Variants in NRDE2 observed in about 807,000 individuals in gnomAD.
NRDE2 encodes the protein NRDE-2, necessary for RNA interference, domain containing.
Under a neutral mutation model 124.2 loss-of-function variants are expected in NRDE2, and 76 were observed. That is an observed-to-expected ratio of 0.61 (90% CI 0.51 to 0.74). The LOEUF is 0.74. Ranked by LOEUF, NRDE2 falls within the 30% of genes least tolerant of loss-of-function variation. The probability of loss-of-function intolerance (pLI) is 0.00; values close to 1 mark genes in which losing one functional copy is unlikely to be tolerated. For missense variants in NRDE2, 1,314 were observed against 1,417.3 expected, an observed-to-expected ratio of 0.93 and a Z score of 1.17; for synonymous variants, 489 against 528.1, an observed-to-expected ratio of 0.93 and a Z score of 1.01.
At chr14:90,301,945 G>A (rs892245541) in intron 6 of NRDE2, 2 of 398,874 alleles carry the variant, frequency 5.0e-6, no homozygotes, top group Non-Finnish European at 1.0e-5. Context: ...TGTGATAAAT[G>A]CTTATATTTT....
rs1891609869 is a variant in NRDE2 at position 90,269,632 on chromosome 14, A to T, written c.*8704T>A. 3 of 1,470,066 alleles carry T rather than the reference A, an allele frequency of 2.0e-6. No individual in the cohort carries two copies. Among genetic ancestry groups the T allele is most frequent in the Non-Finnish European group, 2.8e-6 (3 of 1,083,952 alleles). The allele number at this position is 1,470,066 out of a possible 1,614,324, so 91.1% of individuals were successfully genotyped here. On this transcript the variant is annotated 3_prime_UTR_variant, in exon 14 of 14. Coordinates refer to ENST00000354366, the MANE Select transcript of NRDE2 (RefSeq NM_017970.4). ...TGTGCTTTGGGAGGCCTATAAAATG[A>T]TACATAAAAAAGCAAATACTGCAGT...
chr14:90,325,560 A>G (rs1456039044), intron 1 of NRDE2, among the ~76,000 whole-genome samples: 7 of 151,970 alleles, frequency 4.6e-5, no homozygotes, highest in Non-Finnish European at 8.8e-5. Context: ...GAGTCTCACT[A>G]TGTCAGCCAG....
Position 90,272,656 on chromosome 14 carries a change from T to G in NRDE2, c.*5680A>C. 2.9e-6 allele frequency: 1 copy of G among 340,506 alleles called. No homozygotes were observed. The highest frequency in any genetic ancestry group is 3.7e-5 in the South Asian group (1 of 26,986). 21.1% of individuals were successfully genotyped at this position (340,506 alleles called of 1,614,324 possible). The stretch of plus-strand genomic sequence containing the variant: ...TGTTTCTGCAGTCTCCACACACACC[T>G]ACCGCTCAACAGCAGCCTGTGGGTG... On this transcript the variant is annotated 3_prime_UTR_variant, in exon 14 of 14. Transcript: ENST00000354366. The surrounding 1 kb of genome is among the most constrained non-coding windows in gnomAD (Gnocchi z 4.5).
At chr14:90,299,775 G>T (rs1884325870) in intron 7 of NRDE2, among the ~76,000 whole-genome samples, 1 of 152,138 alleles carries the variant, frequency 6.6e-6, no homozygotes, top group Non-Finnish European at 1.5e-5. Context: ...TCTGGCTCTT[G>T]TAAGAGTGAA....
rs758846042 is a variant in NRDE2, at chr14:90,290,604, A to C, written c.1846T>G (p.Leu616Val). 6.3e-7 allele frequency: 1 copy of C among 1,594,290 alleles called. No individual in the cohort carries two copies. ...EDCEDPERQV[L>V]FDDIGQSLIR... Reference sequence around the variant, plus strand: ...AAAGATTGCCCAATATCATCAAACAACACCTGCAACAAAGACAAAATAAAG... The same window carrying C: ...AAAGATTGCCCAATATCATCAAACACCACCTGCAACAAAGACAAAATAAAG... Residue 616 changes from leucine (L) to valine (V), a missense_variant, in exon 10 of 14, where the codon TTG (leucine) becomes GTG (valine). Leu to Val is a conservative substitution (Grantham distance 32). Coordinates refer to ENST00000354366, the MANE Select transcript of NRDE2 (RefSeq NM_017970.4).
chr14:90,281,225 G>C (rs1287390275), intron 12 of NRDE2: 1 of 152,792 alleles, frequency 6.5e-6, no homozygotes, highest in Non-Finnish European at 1.5e-5. Flanking sequence ...TCAGTAGTTC[G>C]AGACCAGCCT....
At chr14:90,328,617 C>G (rs923879305) in intron 1 of NRDE2, among the ~76,000 whole-genome samples, 1 of 152,196 alleles carries the variant, frequency 6.6e-6, no homozygotes, top group African/African-American at 2.4e-5. Context: ...TTAGACAGGG[C>G]ATCCTCCTGA....
intron 3 of NRDE2, among the ~76,000 whole-genome samples, chr14:90,316,135 C>T (rs1355959126): frequency 2.0e-5 from 3 of 151,988 alleles, no homozygotes; most frequent in East Asian, 1.9e-4. Flanking sequence ...TTAAGTGCTA[C>T]GTTAATCTTA....
At chr14:90,282,337 A>C (rs991866781) in intron 12 of NRDE2, among the ~76,000 whole-genome samples, 3 of 149,838 alleles carry the variant, frequency 2.0e-5, no homozygotes, top group Non-Finnish European at 2.9e-5. Flanking sequence ...ACAGCCAGGC[A>C]TGGTCGTGCA....
Position 90,302,931 on chromosome 14 carries a change from C to G in NRDE2, c.1200G>C (p.Leu400=), listed in dbSNP as rs1338963448. 6.2e-7 allele frequency: 1 copy of G among 1,614,026 alleles called. No individual in the cohort carries two copies. Reference sequence around the variant, plus strand: ...ATATCAGTTTCTGCCACTCTTTGACCAGAGTGGAGGGCTCCCAGAACTCTG... The same window carrying G: ...ATATCAGTTTCTGCCACTCTTTGACGAGAGTGGAGGGCTCCCAGAACTCTG... ...LCTEFWEPST[L]VKEWQKLIFL... Residue 400 remains leucine, a synonymous_variant, in exon 6 of 14, where the codon CTG becomes CTC. Transcript: ENST00000354366.
At chr14:90,330,760 A>G (rs1156646190) in intron 1 of NRDE2, among the ~76,000 whole-genome samples, 1 of 150,862 alleles carries the variant, frequency 6.6e-6, no homozygotes, top group Admixed American at 6.6e-5. Context: ...GTGAGTTATG[A>G]CAGTGCCACT....
intron 3 of NRDE2, among the ~76,000 whole-genome samples, chr14:90,313,078 C>T (rs1014868679): frequency 6.6e-6 from 1 of 151,160 alleles, no homozygotes; most frequent in Non-Finnish European, 1.5e-5. Context: ...TGGTTCTGAA[C>T]TGCTCAGCCT....
chr14:90,302,650 CTTCATT>C (rs1485773497), intron 6 of NRDE2, 64 bp downstream of exon 6: 5 of 1,403,098 alleles, frequency 3.6e-6, no homozygotes, highest in Admixed American at 4.8e-5. Flanking sequence ...AAAAATAGAT[CTTCATT>C]TTCAAGTAAA....
intron 1 of NRDE2, among the ~76,000 whole-genome samples, chr14:90,327,859 G>A (rs1885499516): frequency 6.6e-6 from 1 of 152,160 alleles, no homozygotes; most frequent in East Asian, 1.9e-4. Flanking sequence ...TTAGCCAGGA[G>A]TAAGCTGGGC....
chr14:90,330,962 C>T (rs575918785), intron 1 of NRDE2, among the ~76,000 whole-genome samples: 6 of 152,000 alleles, frequency 3.9e-5, no homozygotes, highest in Non-Finnish European at 7.4e-5. Flanking sequence ...ACAAGGTCCC[C>T]CCACCCCAGG....
intron 6 of NRDE2, 52 bp downstream of exon 6, chr14:90,302,668 C>T: frequency 2.0e-6 from 3 of 1,466,374 alleles, no homozygotes; most frequent in Non-Finnish European, 2.7e-6. Context: ...TCAAGTAAAG[C>T]CAAAAGAAAG....
rs916258631 is a variant in NRDE2, at chr14:90,316,636, C to G, written c.349G>C (p.Glu117Gln). Residue 117 changes from glutamate to glutamine, a missense_variant, in exon 3 of 14, where the codon GAA becomes CAA. Transcript: ENST00000354366. ...SSRSETDTDS[E>Q]KDKPSRGVGG... The stretch of plus-strand genomic sequence containing the variant: ...ACGCCTCTGGAAGGTTTGTCCTTTT[C>G]AGAATCGGTGTCTGTCTCAGACCTG... 12 of 1,614,226 alleles carry G rather than the reference C, an allele frequency of 7.4e-6. No individual in the cohort carries two copies. Among genetic ancestry groups the G allele is most frequent in the Non-Finnish European group, 1.0e-5 (12 of 1,180,044 alleles).
Position 90,297,249 on chromosome 14 carries a change from C to T in NRDE2, c.1666+1011G>A, listed in dbSNP as rs937615142. 4.0e-5 allele frequency among the ~76,000 whole-genome samples: 6 copies of T among 151,684 alleles called. No individual in the cohort carries two copies. The South Asian group carries it at 6.2e-4, about 16-fold the overall frequency. On this transcript the variant is annotated intron_variant, in intron 8 of 13. Transcript: ENST00000354366. Reference sequence around the variant, plus strand: ...AGTACTAAAAAAAGAATGCAAAATACCTAGTTAATAATTTTTTTTCTTTTT... The same window carrying T: ...AGTACTAAAAAAAGAATGCAAAATATCTAGTTAATAATTTTTTTTCTTTTT...
At chr14:90,287,558 C>T (rs1297155221) in intron 11 of NRDE2, among the ~76,000 whole-genome samples, 1 of 152,032 alleles carries the variant, frequency 6.6e-6, no homozygotes, top group Non-Finnish European at 1.5e-5. Context: ...GAGGTCAAGG[C>T]TGCAGTGAGC....
Sources: allele counts gnomAD v4.1 joint callset (sites outside exome capture counted in the v4.1 genomes callset), GRCh38; gene constraint gnomAD v4.1.1; non-coding constraint Gnocchi (gnomAD v3.1); transcripts MANE v1.5; gene names NCBI Gene and HGNC (gene_info 2026-07-23, HGNC 2026-07-21).